TSGA10: variants seen among roughly 807,000 people sequenced by gnomAD.
TSGA10 encodes testis specific 10.
A neutral mutation model predicts 96.6 loss-of-function variants in TSGA10; 43 were observed. That is an observed-to-expected ratio of 0.44 (90% CI 0.35 to 0.57). The LOEUF is 0.57. Ranked by LOEUF, TSGA10 falls within the 20% of genes least tolerant of loss-of-function variation. The pLI, the probability that TSGA10 is intolerant of heterozygous loss-of-function variation, is 0.01. For missense variants in TSGA10, 703 were observed against 834.4 expected (o/e 0.84, Z 1.94); for synonymous variants, 229 against 269.9 (o/e 0.85, Z 1.48).
intron 17 of TSGA10, among the ~76,000 whole-genome samples, chr2:99,034,086 T>C (rs2081379381): frequency 6.6e-6 from 1 of 152,128 alleles, no homozygotes; most frequent in African/African-American, 2.4e-5. Context: ...GTGAATTGAC[T>C]TTATCCATGC....
At chr2:99,058,715 A>G (rs2104417422) in intron 16 of TSGA10, among the ~76,000 whole-genome samples, 1 of 152,246 alleles carries the variant, frequency 6.6e-6, no homozygotes, top group Admixed American at 6.5e-5. Flanking sequence ...AATCCTAGCG[A>G]AACAGAAATT....
rs1208708970 is a variant in TSGA10 at position 99,105,577 on chromosome 2, C to A, written c.331G>T (p.Asp111Tyr). Residue 111 changes from aspartate to tyrosine, a missense_variant, in exon 8 of 21, where the codon GAT (aspartate) becomes TAT (tyrosine). By Grantham distance (160) the Asp-to-Tyr change is radical (BLOSUM62 -3). Around this residue, in one of 3 missense-constraint regions of TSGA10, gnomAD observed 585 missense variants for 656.8 expected, o/e 0.89. Coordinates refer to ENST00000393483, the MANE Select transcript of TSGA10 (RefSeq NM_025244.4). ...VETERDVAFT[D>Y]LRRMTTERDS... ...CGTTCTGTGGTCATTCTTCGTAAAT[C>A]AGTAAAGGCTACATCTCTTTCAGTC... is the stretch of plus-strand genomic sequence containing the variant. 6.2e-7 allele frequency: 1 copy of A among 1,612,030 alleles called. No individual in the cohort carries two copies. Among genetic ancestry groups the A allele is most frequent in the East Asian group, 2.2e-5 (1 of 44,792 alleles).
At chr2:99,124,818 C>A (rs2092745263) in intron 2 of TSGA10, 1 of 152,232 alleles carries the variant, frequency 6.6e-6, no homozygotes, top group African/African-American at 2.4e-5. Flanking sequence ...ATCTCCTGAC[C>A]TCATGATCCG....
intron 1 of TSGA10, among the ~76,000 whole-genome samples, chr2:99,133,522 G>A (rs1280113241): frequency 5.3e-5 from 8 of 152,100 alleles, no homozygotes; most frequent in Admixed American, 1.3e-4. Flanking sequence ...ACAACAATGG[G>A]TCTTGACTCT....
chr2:99,003,727 G>T (rs990514465), intron 20 of TSGA10, among the ~76,000 whole-genome samples: 1 of 152,032 alleles, frequency 6.6e-6, no homozygotes, highest in African/African-American at 2.4e-5. Context: ...CGAGATGAAG[G>T]CAGAAAGATG....
chr2:99,148,505 C>T (rs1201984881), intron 1 of TSGA10, among the ~76,000 whole-genome samples: 2 of 152,082 alleles, frequency 1.3e-5, no homozygotes, highest in African/African-American at 2.4e-5. Context: ...CTACAGTAGA[C>T]CCAGGACTCT....
rs371907870 is a variant in TSGA10, at chr2:99,117,532, TA to T, written c.-140+11del. On this transcript the variant is annotated intron_variant, in intron 4 of 20. Transcript: ENST00000393483. ...GTAAAATTAAAATCCTTATCCGTGG[TA>T]AATCTGGTACCTTGGCTTCTTCAAG... is the stretch of plus-strand genomic sequence containing the variant. The T allele has an allele frequency of 1.5e-4, 152 of 984,350 alleles. 2 individuals carry two copies. In the South Asian group the frequency reaches 6.3e-3, roughly 41 times the overall value. 61.0% of individuals were successfully genotyped at this position (984,350 alleles called of 1,614,324 possible).
intron 10 of TSGA10, among the ~76,000 whole-genome samples, chr2:99,100,409 T>C (rs1459488873): frequency 6.6e-6 from 1 of 152,214 alleles, no homozygotes; most frequent in Non-Finnish European, 1.5e-5. Context: ...AAAACATCTC[T>C]GCAGAGCAGT....
chr2:99,127,633 C>T (rs576152151), intron 1 of TSGA10, among the ~76,000 whole-genome samples: 5 of 152,164 alleles, frequency 3.3e-5, no homozygotes, highest in African/African-American at 1.2e-4. Flanking sequence ...GAAAAATTGG[C>T]AAAGAATGTG....
chr2:99,110,700 C>T lies in TSGA10; in HGVS notation c.-74+150G>A, dbSNP rs536703999. ...AAGTCACTCTTACAGATGGGGGTTC[C>T]CCTGTGTCCCTAGCAGTTGGTGCAG... On this transcript the variant is annotated intron_variant, in intron 5 of 20. Coordinates refer to ENST00000393483, the MANE Select transcript of TSGA10 (RefSeq NM_025244.4). 1.8e-5 allele frequency: 3 copies of T among 163,100 alleles called. No individual in the cohort carries two copies. In the South Asian group the frequency reaches 6.0e-4, roughly 32 times the overall value. The allele number at this position is 163,100 out of a possible 1,614,324, so 10.1% of individuals were successfully genotyped here.
At chr2:99,119,835 A>G (rs2092478252) in intron 2 of TSGA10, among the ~76,000 whole-genome samples, 1 of 152,144 alleles carries the variant, frequency 6.6e-6, no homozygotes, top group South Asian at 2.1e-4. Context: ...TTATTATTTC[A>G]GCTACTTTCT....
intron 2 of TSGA10, among the ~76,000 whole-genome samples, chr2:99,122,358 CAAGTGAAAGTACAG>C (rs1207286298): frequency 1.3e-5 from 2 of 152,000 alleles, no homozygotes; most frequent in Non-Finnish European, 2.9e-5. Context: ...TTTAACAGTT[CAAGTGAAAGTACAG>C]AAACCTTACC....
chr2:99,085,892 C>A (rs1277740014), intron 10 of TSGA10, among the ~76,000 whole-genome samples: 2 of 152,148 alleles, frequency 1.3e-5, no homozygotes, highest in African/African-American at 2.4e-5. Flanking sequence ...AGAAGACTTA[C>A]CAAAGCTGAC....
chr2:99,149,087 C>T (rs567362295), intron 1 of TSGA10, among the ~76,000 whole-genome samples: 1 of 150,946 alleles, frequency 6.6e-6, no homozygotes, highest in Non-Finnish European at 1.5e-5. Flanking sequence ...AGGAAAATCA[C>T]TTTAACCTGC....
At chr2:99,042,100 T>C (rs957865227) in intron 16 of TSGA10, among the ~76,000 whole-genome samples, 4 of 146,566 alleles carry the variant, frequency 2.7e-5, no homozygotes, top group Non-Finnish European at 5.9e-5. Flanking sequence ...TGGAGTGCAG[T>C]GGTACTGTCT....
At chr2:99,017,099 T>C (rs866022980) in intron 20 of TSGA10, among the ~76,000 whole-genome samples, 2 of 152,140 alleles carry the variant, frequency 1.3e-5, no homozygotes, top group African/African-American at 4.8e-5. Context: ...AGTACAGAGA[T>C]TCCATTTAGA....
chr2:99,150,597 T>C (rs770928657), intron 1 of TSGA10: 14 of 1,613,812 alleles, frequency 8.7e-6, no homozygotes, highest in African/African-American at 1.3e-5. Flanking sequence ...CTCAGGTATC[T>C]GCTATACATA....
At position 99,105,519 on chromosome 2, in the gene TSGA10, T is replaced by C. The variant is rs1317211734; in HGVS notation, c.381+8A>G. The C allele has an allele frequency of 1.2e-6, 2 of 1,613,678 alleles. No individual in the cohort carries two copies. Among genetic ancestry groups the C allele is most frequent in the African/African-American group, 1.3e-5 (1 of 74,912 alleles). Reference sequence around the variant, plus strand: ...ACATATATTCACGTAAATAAAATCCTTTCCAACCTTTAGCCTCTCCCTTAG... The same window carrying C: ...ACATATATTCACGTAAATAAAATCCCTTCCAACCTTTAGCCTCTCCCTTAG... On this transcript the variant is annotated splice_region_variant and intron_variant, in intron 8 of 20. Coordinates refer to ENST00000393483, the MANE Select transcript of TSGA10 (RefSeq NM_025244.4).
chr2:99,016,425 G>A (rs1332643810), intron 20 of TSGA10, among the ~76,000 whole-genome samples: 1 of 152,082 alleles, frequency 6.6e-6, no homozygotes, highest in Non-Finnish European at 1.5e-5. Flanking sequence ...AATGGTGCTG[G>A]GATAATTGGG....
Sources: allele counts gnomAD v4.1 joint callset (sites outside exome capture counted in the v4.1 genomes callset), GRCh38; gene constraint gnomAD v4.1.1; regional missense constraint gnomAD v4.1.1; transcripts MANE v1.5; gene names NCBI Gene and HGNC (gene_info 2026-07-23, HGNC 2026-07-21).